The following HTR1E variants were observed in gnomAD, a reference collection of about 807,000 sequenced individuals.
The protein encoded by HTR1E is 5-hydroxytryptamine receptor 1E, also known as 5-HT-1E.
Under a neutral mutation model 3.4 loss-of-function variants are expected in HTR1E, and 3 were observed. That is an observed-to-expected ratio of 0.89 (90% CI 0.41 to 2.31). The LOEUF (loss-of-function observed/expected upper bound fraction) is 2.31, where lower values mean the gene tolerates loss of function less well. HTR1E is among the 30% of genes most tolerant of loss of function. The pLI is 0.05. For synonymous variants in HTR1E, 170 were observed against 182.8 expected (o/e 0.93, Z 0.56); for missense variants, 392 against 467.0 (o/e 0.84, Z 1.48).
At chr6:87,006,488 T>G (rs533968435) in intron 1 of HTR1E, among the ~76,000 whole-genome samples, 50 of 152,290 alleles carry the variant, frequency 3.3e-4, no homozygotes, top group African/African-American at 1.2e-3. Flanking sequence ...GAATGTAAAT[T>G]ACTTTAACAT....
At chr6:86,973,324 G>C (rs958382356) in intron 1 of HTR1E, among the ~76,000 whole-genome samples, 10 of 141,764 alleles carry the variant, frequency 7.1e-5, no homozygotes, top group Middle Eastern at 3.4e-3. Context: ...GTGTGTGTGT[G>C]TGTGTGTCTG....
intron 1 of HTR1E, among the ~76,000 whole-genome samples, chr6:86,981,925 T>C (rs116799222): frequency 0.019 from 2,882 of 152,278 alleles, 94 homozygotes; most frequent in African/African-American, 0.065. Flanking sequence ...TCTCAAACAC[T>C]TCCATTGGTT....
chr6:86,968,867 T>A (rs1055487402), intron 1 of HTR1E, among the ~76,000 whole-genome samples: 3 of 146,300 alleles, frequency 2.1e-5, no homozygotes, highest in African/African-American at 7.4e-5. Flanking sequence ...TAAACATCTC[T>A]ATTAACACAA....
chr6:86,973,542 T>C (rs1018775193), intron 1 of HTR1E, among the ~76,000 whole-genome samples: 3 of 152,120 alleles, frequency 2.0e-5, no homozygotes, highest in African/African-American at 7.2e-5. Context: ...GCCATCAGCA[T>C]AGAGACTTTC....
chr6:86,984,155 G>T (rs1767751244), intron 1 of HTR1E, among the ~76,000 whole-genome samples: 1 of 152,006 alleles, frequency 6.6e-6, no homozygotes, highest in African/African-American at 2.4e-5. Context: ...CTACAACTAG[G>T]CATATTTATT....
At position 86,973,706 on chromosome 6, in the gene HTR1E, G is replaced by A. The variant is rs550477721; in HGVS notation, c.-186+35883G>A. On this transcript the variant is annotated intron_variant, in intron 1 of 1. Coordinates refer to ENST00000305344, the MANE Select transcript of HTR1E (RefSeq NM_000865.3). ...ATATAAAGAAGCATGACAAGAGACC[G>A]CACAGGTGCAGCCAACAGACCACTG... Among the ~76,000 whole-genome samples the A allele has an allele frequency of 2.9e-4, 44 of 152,208 alleles. No individual in the cohort carries two copies. The South Asian group carries it at 8.7e-3, about 30-fold the overall frequency.
intron 1 of HTR1E, among the ~76,000 whole-genome samples, chr6:87,010,877 A>G (rs1305066577): frequency 3.3e-5 from 5 of 152,196 alleles, no homozygotes; most frequent in African/African-American, 1.2e-4. Context: ...GCCGGCCTAT[A>G]CGCCACACTT....
chr6:86,964,131 C>T (rs1454456089), intron 1 of HTR1E, among the ~76,000 whole-genome samples: 1 of 152,116 alleles, frequency 6.6e-6, no homozygotes, highest in Non-Finnish European at 1.5e-5. Context: ...GTCTTCCTGA[C>T]AATATCCAGT....
intron 1 of HTR1E, among the ~76,000 whole-genome samples, chr6:86,996,638 A>G (rs1213979350): frequency 6.6e-6 from 1 of 152,072 alleles, no homozygotes; most frequent in Non-Finnish European, 1.5e-5. Context: ...CTGTACATGT[A>G]AATATAACAA....
chr6:86,997,766 TA>T (rs752755914), intron 1 of HTR1E, among the ~76,000 whole-genome samples: 103 of 151,710 alleles, frequency 6.8e-4, no homozygotes, highest in Non-Finnish European at 1.2e-3. Flanking sequence ...ACACTAAGTG[TA>T]AATAATGTAA....
Position 86,989,270 on chromosome 6 carries a change from G to A in HTR1E, c.-185-25880G>A, listed in dbSNP as rs138568144. The stretch of plus-strand genomic sequence containing the variant: ...CTTTTTGCCTGTCTTCCTGAGTACC[G>A]GTCCCCAAATCACCAAATTCTACCT... On this transcript the variant is annotated intron_variant, in intron 1 of 1. Coordinates refer to ENST00000305344, the MANE Select transcript of HTR1E (RefSeq NM_000865.3). 1.1e-3 allele frequency among the ~76,000 whole-genome samples: 169 copies of A among 152,088 alleles called. 1 individual carries two copies. The highest frequency in any genetic ancestry group is 3.4e-3 in the Middle Eastern group (1 of 294).
chr6:87,002,725 G>T (rs1582280776), intron 1 of HTR1E, among the ~76,000 whole-genome samples: 2 of 152,166 alleles, frequency 1.3e-5, no homozygotes, highest in East Asian at 3.8e-4. Context: ...GCTGATTGGT[G>T]GGTTTATAAT....
At chr6:87,005,009 A>G (rs1264024788) in intron 1 of HTR1E, among the ~76,000 whole-genome samples, 1 of 152,170 alleles carries the variant, frequency 6.6e-6, no homozygotes, top group Non-Finnish European at 1.5e-5. Context: ...ATAAAATAAA[A>G]TACCTAGGAA....
intron 1 of HTR1E, among the ~76,000 whole-genome samples, chr6:86,963,432 T>C (rs946547937): frequency 6.6e-6 from 1 of 152,174 alleles, no homozygotes; most frequent in Non-Finnish European, 1.5e-5. Context: ...GTTTAATTTA[T>C]AATTGAAGAA....
intron 1 of HTR1E, among the ~76,000 whole-genome samples, chr6:86,947,156 G>A (rs1768628500): frequency 6.6e-6 from 1 of 151,988 alleles, no homozygotes; most frequent in South Asian, 2.1e-4. Context: ...TGTATCTAGT[G>A]GAATTGTACA....
In HTR1E at chr6:86,975,918, G is replaced by GACAC. The variant is rs57513474; in HGVS notation, c.-186+38122_-186+38125dup. ...TCTTTCTCTCTCTCTCTCTCTCTGAGACACACACACACACACACACACACA... is the reference window on the plus strand; with the variant it reads ...TCTTTCTCTCTCTCTCTCTCTCTGAGACACACACACACACACACACACACACACA... On this transcript the variant is annotated intron_variant, in intron 1 of 1. Coordinates refer to ENST00000305344, the MANE Select transcript of HTR1E (RefSeq NM_000865.3). Among the ~76,000 whole-genome samples the GACAC allele has an allele frequency of 4.8e-3, 689 of 144,244 alleles. 2 individuals carry two copies. The highest frequency in any genetic ancestry group is 7.4e-3 in the African/African-American group (294 of 39,518). The allele number at this position is 144,244 out of a possible 152,430, so 94.6% of individuals were successfully genotyped here. A position where few individuals can be genotyped will look rare whatever the true frequency, so the allele number is the denominator to read the frequency against.
intron 1 of HTR1E, among the ~76,000 whole-genome samples, chr6:87,008,890 A>T (rs141377488): frequency 7.9e-4 from 121 of 152,272 alleles, no homozygotes; most frequent in African/African-American, 2.9e-3. Flanking sequence ...TCTCAATCAC[A>T]ATCGTGTCTC....
chr6:86,956,345 T>TG (rs1767324134), intron 1 of HTR1E, among the ~76,000 whole-genome samples: 1 of 152,170 alleles, frequency 6.6e-6, no homozygotes, highest in South Asian at 2.1e-4. Context: ...GCCTGCTACT[T>TG]GGAGGATTCA....
chr6:86,946,520 C>T (rs1768618723), intron 1 of HTR1E, among the ~76,000 whole-genome samples: 2 of 152,030 alleles, frequency 1.3e-5, no homozygotes, highest in African/African-American at 4.8e-5. Context: ...ATGCATTTCT[C>T]AGAATGTATG....
Sources: allele counts gnomAD v4.1 joint callset (sites outside exome capture counted in the v4.1 genomes callset), GRCh38; gene constraint gnomAD v4.1.1; transcripts MANE v1.5; gene names NCBI Gene and HGNC (gene_info 2026-07-23, HGNC 2026-07-21).